The following FSTL5 variants were observed in gnomAD, a reference collection of about 807,000 sequenced individuals.
FSTL5 encodes follistatin like 5, also known as follistatin-related protein 5.
Under a neutral mutation model 89.1 loss-of-function variants are expected in FSTL5, and 62 were observed. The ratio of observed to expected loss-of-function variants is 0.70; its 90% CI spans 0.57 to 0.86. FSTL5 has a LOEUF of 0.86. FSTL5 is among the 40% of genes least tolerant of loss of function. The pLI is 0.00. For missense variants in FSTL5, 1,057 were observed against 1,001.6 expected (o/e 1.06, Z -0.75); for synonymous variants, 383 against 346.2 (o/e 1.11, Z -1.18).
At chr4:161,876,687 C>A (rs1173413068) in intron 4 of FSTL5, among the ~76,000 whole-genome samples, 1 of 152,014 alleles carries the variant, frequency 6.6e-6, no homozygotes. Context: ...CTGCAGTAAG[C>A]TATGATCACA....
chr4:161,988,723 T>C (rs1318458461), intron 3 of FSTL5, among the ~76,000 whole-genome samples: 4 of 152,162 alleles, frequency 2.6e-5, no homozygotes, highest in Non-Finnish European at 4.4e-5. Context: ...TTCTGGTGAT[T>C]TATTTTAAAT....
At chr4:161,446,469 T>C (rs1431930014) in intron 15 of FSTL5, among the ~76,000 whole-genome samples, 1 of 151,994 alleles carries the variant, frequency 6.6e-6, no homozygotes, top group Non-Finnish European at 1.5e-5. Flanking sequence ...AACAGTTGCA[T>C]CAAGAAAAAT....
At chr4:162,129,089 C>T (rs1421965866) in intron 1 of FSTL5, among the ~76,000 whole-genome samples, 2 of 152,080 alleles carry the variant, frequency 1.3e-5, no homozygotes, top group East Asian at 3.9e-4. Context: ...CCCACCACCA[C>T]GCCCAGCTAA....
chr4:162,102,490 G>GT lies in FSTL5; in HGVS notation c.126+8780dup, dbSNP rs1312742766. 1.5e-4 allele frequency among the ~76,000 whole-genome samples: 22 copies of GT among 149,460 alleles called. 1 individual carries two copies. The highest frequency in any genetic ancestry group is 1.3e-4 in the Admixed American group (2 of 14,882). On this transcript the variant is annotated intron_variant, in intron 2 of 15. Coordinates refer to ENST00000306100, the MANE Select transcript of FSTL5 (RefSeq NM_020116.5). ...TGTGCCAGCCTTTGGCACATATGAT[G>GT]TTTTCTACCACCCAAATATATATTT...
chr4:161,660,878 TG>T (rs913726432), intron 6 of FSTL5, among the ~76,000 whole-genome samples: 33 of 152,286 alleles, frequency 2.2e-4, no homozygotes, highest in Admixed American at 3.9e-4. Flanking sequence ...GTATCATTAA[TG>T]GGGATTTAGG....
At chr4:162,026,193 T>A (rs1329059269) in intron 3 of FSTL5, among the ~76,000 whole-genome samples, 1 of 151,816 alleles carries the variant, frequency 6.6e-6, no homozygotes, top group Non-Finnish European at 1.5e-5. Context: ...GTAAGTGAAG[T>A]TATTCCTTCA....
intron 4 of FSTL5, among the ~76,000 whole-genome samples, chr4:161,779,764 T>TAG (rs1741558810): frequency 3.3e-4 from 5 of 14,962 alleles, no homozygotes; most frequent in Non-Finnish European, 3.9e-4. Context: ...TAAAGTTATA[T>TAG]ATATATATAT....
At chr4:162,041,360 G>T (rs560346532) in intron 2 of FSTL5, among the ~76,000 whole-genome samples, 1 of 152,154 alleles carries the variant, frequency 6.6e-6, no homozygotes, top group South Asian at 2.1e-4. Flanking sequence ...GTGCAGAGTT[G>T]GAATGGTTAA....
At chr4:161,816,018 A>G (rs1274100717) in intron 4 of FSTL5, among the ~76,000 whole-genome samples, 1 of 152,210 alleles carries the variant, frequency 6.6e-6, no homozygotes, top group Admixed American at 6.5e-5. Flanking sequence ...CACACAGTTA[A>G]CTACACAGAA....
intron 3 of FSTL5, among the ~76,000 whole-genome samples, chr4:162,000,642 C>A (rs1241363596): frequency 2.0e-5 from 3 of 150,416 alleles, no homozygotes; most frequent in Non-Finnish European, 4.4e-5. Context: ...AATATATATA[C>A]AAAATGATAA....
At chr4:161,983,385 A>C (rs1735878818) in intron 3 of FSTL5, among the ~76,000 whole-genome samples, 1 of 152,202 alleles carries the variant, frequency 6.6e-6, no homozygotes, top group Non-Finnish European at 1.5e-5. Flanking sequence ...TTTTGTTTAC[A>C]AAGGTAAACC....
chr4:161,985,700 C>A (rs359487), intron 3 of FSTL5, among the ~76,000 whole-genome samples: 151,540 of 151,818 alleles, frequency 1, 75,632 homozygotes, highest in Middle Eastern at 1. Context: ...TGAACACATA[C>A]TACTACTTAG....
intron 4 of FSTL5, among the ~76,000 whole-genome samples, chr4:161,841,172 TA>T (rs1333423359): frequency 6.6e-6 from 1 of 152,200 alleles, no homozygotes; most frequent in Non-Finnish European, 1.5e-5. Flanking sequence ...GTTCCTTATT[TA>T]AACTTTCATG....
intron 4 of FSTL5, among the ~76,000 whole-genome samples, chr4:161,813,549 G>T (rs1307773138): frequency 6.6e-6 from 1 of 152,202 alleles, no homozygotes; most frequent in African/African-American, 2.4e-5. Context: ...GTTTCAGGCT[G>T]TTGTGAGAAT....
chr4:161,641,358 AT>A (rs1735951182), intron 7 of FSTL5, among the ~76,000 whole-genome samples: 1 of 152,172 alleles, frequency 6.6e-6, no homozygotes, highest in Non-Finnish European at 1.5e-5. Flanking sequence ...TGAACTAAAT[AT>A]GAGTTTATAT....
At chr4:161,459,454 T>C in intron 13 of FSTL5, 135 bp from the exon 14 acceptor site, 1 of 535,938 alleles carries the variant, frequency 1.9e-6, no homozygotes, top group South Asian at 2.8e-5. Context: ...TCCTTAGCCC[T>C]TATTTGATAT....
chr4:162,054,301 G>C (rs1047007328), intron 2 of FSTL5, among the ~76,000 whole-genome samples: 2 of 151,646 alleles, frequency 1.3e-5, no homozygotes, highest in African/African-American at 4.8e-5. Flanking sequence ...ATTTGTCAAC[G>C]TGTGAATAGA....
At chr4:161,409,151 G>A (rs62325023) in intron 15 of FSTL5, among the ~76,000 whole-genome samples, 12,186 of 152,102 alleles carry the variant, frequency 0.08, 618 homozygotes, top group Non-Finnish European at 0.12. Flanking sequence ...AACTCTTAAA[G>A]GCAGCTAGAG....
chr4:161,788,424 C>T (rs903395859), intron 4 of FSTL5, among the ~76,000 whole-genome samples: 1 of 152,276 alleles, frequency 6.6e-6, no homozygotes, highest in African/African-American at 2.4e-5. Context: ...GCCTAATGCT[C>T]CCAGCCTCTG....
Sources: allele counts gnomAD v4.1 joint callset (sites outside exome capture counted in the v4.1 genomes callset), GRCh38; gene constraint gnomAD v4.1.1; transcripts MANE v1.5; gene names NCBI Gene and HGNC (gene_info 2026-07-23, HGNC 2026-07-21).